SNTB2: variants seen among roughly 807,000 people sequenced by gnomAD.
SNTB2 encodes beta-2-syntrophin.
A neutral mutation model predicts 46.2 loss-of-function variants in SNTB2; 34 were observed. The observed-to-expected ratio is 0.74, with a 90% CI of 0.56 to 0.98. The LOEUF (loss-of-function observed/expected upper bound fraction) is 0.98. SNTB2 is among the 50% of genes least tolerant of loss of function. The pLI is 0.00. For missense variants in SNTB2, 603 were observed against 731.4 expected, an observed-to-expected ratio of 0.82 and a Z score of 2.02; for synonymous variants, 290 against 312.6, an observed-to-expected ratio of 0.93 and a Z score of 0.76.
intron 4 of SNTB2, among the ~76,000 whole-genome samples, chr16:69,280,315 C>T (rs1965027716): frequency 6.6e-6 from 1 of 152,142 alleles, no homozygotes; most frequent in South Asian, 2.1e-4. Flanking sequence ...CCCACCTTTC[C>T]CCCCTTTCTA....
chr16:69,203,749 G>A (rs1437554344), intron 1 of SNTB2, among the ~76,000 whole-genome samples: 1 of 152,022 alleles, frequency 6.6e-6, no homozygotes, highest in Non-Finnish European at 1.5e-5. Context: ...GGAATCCATT[G>A]CTTGTTTATT....
At chr16:69,238,082 G>A (rs867646660) in intron 1 of SNTB2, among the ~76,000 whole-genome samples, 13 of 152,144 alleles carry the variant, frequency 8.5e-5, no homozygotes, top group East Asian at 7.7e-4. Context: ...CATCTGTCCC[G>A]GACGCTGACC....
Position 69,301,353 on chromosome 16 carries a change from C to G in SNTB2, c.*429C>G. ...TCTTGTTCAGAACAATTGTCCCTTC[C>G]CAGGTGCTAGCTTGCAGCAGCCTGT... On this transcript the variant is annotated 3_prime_UTR_variant, in exon 7 of 7. Coordinates refer to ENST00000336278, the MANE Select transcript of SNTB2 (RefSeq NM_006750.4). 6.0e-6 allele frequency: 1 copy of G among 166,642 alleles called. No homozygotes were observed. Among genetic ancestry groups the G allele is most frequent in the South Asian group, 1.5e-4 (1 of 6,776 alleles). 10.3% of individuals were successfully genotyped at this position (166,642 alleles called of 1,614,324 possible).
chr16:69,190,488 T>C (rs1964039469), intron 1 of SNTB2, among the ~76,000 whole-genome samples: 1 of 152,196 alleles, frequency 6.6e-6, no homozygotes, highest in South Asian at 2.1e-4. Flanking sequence ...TCAGGAAGTT[T>C]AGAGTTGAGA....
chr16:69,297,567 A>T (rs1328468451), intron 5 of SNTB2, among the ~76,000 whole-genome samples: 2 of 151,580 alleles, frequency 1.3e-5, no homozygotes, highest in African/African-American at 4.9e-5. Flanking sequence ...GCAGTGAGCC[A>T]AGATCACGCC....
chr16:69,189,704 T>G (rs1964032121), intron 1 of SNTB2, among the ~76,000 whole-genome samples: 1 of 152,226 alleles, frequency 6.6e-6, no homozygotes, highest in Non-Finnish European at 1.5e-5. Flanking sequence ...ACCACTGCAC[T>G]CCAGCATGGA....
chr16:69,200,541 G>A (rs191662671), intron 1 of SNTB2, among the ~76,000 whole-genome samples: 85 of 152,304 alleles, frequency 5.6e-4, no homozygotes, highest in African/African-American at 1.9e-3. Context: ...TGCTAGAGCA[G>A]GAGGAAGATA....
intron 2 of SNTB2, among the ~76,000 whole-genome samples, chr16:69,253,705 A>G (rs560916662): frequency 1.3e-5 from 2 of 152,268 alleles, no homozygotes; most frequent in East Asian, 1.9e-4. Context: ...ATAACTCACT[A>G]TCTATTCTCA....
intron 2 of SNTB2, among the ~76,000 whole-genome samples, chr16:69,258,320 T>C (rs1424046641): frequency 6.6e-6 from 1 of 152,194 alleles, no homozygotes; most frequent in Admixed American, 6.5e-5. Context: ...ATTTGACTTT[T>C]AAAATTCATC....
At position 69,238,095 on chromosome 16, in the gene SNTB2, C is replaced by T. The variant is rs564118665; in HGVS notation, c.581-7507C>T. On this transcript the variant is annotated intron_variant, in intron 1 of 6. Transcript: ENST00000336278. Reference sequence around the variant, plus strand: ...GCCATCTGTCCCGGACGCTGACCTGCGTGGACAACATCAGCAGACTTCCTT... The same window carrying T: ...GCCATCTGTCCCGGACGCTGACCTGTGTGGACAACATCAGCAGACTTCCTT... Among the ~76,000 whole-genome samples, 4 of 152,144 alleles carry T rather than the reference C, an allele frequency of 2.6e-5. No individual in the cohort carries two copies. In the East Asian group the frequency reaches 5.8e-4, roughly 22 times the overall value.
chr16:69,258,310 A>G (rs1964798235), intron 2 of SNTB2, among the ~76,000 whole-genome samples: 1 of 152,196 alleles, frequency 6.6e-6, no homozygotes, highest in African/African-American at 2.4e-5. Flanking sequence ...TTATTTATTT[A>G]TTTGACTTTT....
chr16:69,199,595 C>CAAAAAAAAAAAAAA (rs60011703), intron 1 of SNTB2, among the ~76,000 whole-genome samples: 20 of 76,852 alleles, frequency 2.6e-4, no homozygotes, highest in African/African-American at 5.3e-4. Flanking sequence ...AACACTGCCT[C>CAAAAAAAAAAAAAA]AAAAAAAAAA....
rs1384091700 is a variant in SNTB2, at chr16:69,301,708, G to A, written c.*784G>A. The A allele has an allele frequency of 1.3e-5, 2 of 152,582 alleles. No homozygotes were observed. Among genetic ancestry groups the A allele is most frequent in the Non-Finnish European group, 2.9e-5 (2 of 68,024 alleles). 9.5% of individuals were successfully genotyped at this position (152,582 alleles called of 1,614,324 possible). A position where few individuals can be genotyped will look rare whatever the true frequency, so the allele number is the denominator to read the frequency against. On this transcript the variant is annotated 3_prime_UTR_variant, in exon 7 of 7. Transcript: ENST00000336278. Reference sequence around the variant, plus strand: ...CAATTTTATTTTTGTTAGGAGCCAGGGGATAAGATTTATTTTAAATGAAAA... The same window carrying A: ...CAATTTTATTTTTGTTAGGAGCCAGAGGATAAGATTTATTTTAAATGAAAA...
Position 69,277,628 on chromosome 16 carries a change from C to T in SNTB2, c.1149-6420C>T, listed in dbSNP as rs113816990. ...GTAATGTGAATGGGCTATTAAAATA[C>T]TCTTCCCTTTTCCAACTACATATTT... On this transcript the variant is annotated intron_variant, in intron 4 of 6. Coordinates refer to ENST00000336278, the MANE Select transcript of SNTB2 (RefSeq NM_006750.4). 3.5e-4 allele frequency among the ~76,000 whole-genome samples: 54 copies of T among 152,296 alleles called. 1 individual carries two copies. The highest frequency in any genetic ancestry group is 1.1e-3 in the African/African-American group (44 of 41,578).
chr16:69,196,341 C>G (rs1964105182), intron 1 of SNTB2, among the ~76,000 whole-genome samples: 3 of 150,028 alleles, frequency 2.0e-5, no homozygotes, highest in Non-Finnish European at 4.4e-5. Context: ...CTGCTAAGCT[C>G]TTTATGATCA....
At chr16:69,220,771 A>T (rs145623440) in intron 1 of SNTB2, among the ~76,000 whole-genome samples, 5 of 152,188 alleles carry the variant, frequency 3.3e-5, no homozygotes, top group African/African-American at 1.2e-4. Context: ...GCCTCAAGCG[A>T]TCCACTTGCC....
chr16:69,237,028 G>A (rs935326075), intron 1 of SNTB2, among the ~76,000 whole-genome samples: 15 of 152,148 alleles, frequency 9.9e-5, no homozygotes, highest in African/African-American at 2.9e-4. Context: ...CAGGAGCAGG[G>A]GATAAAGGAT....
chr16:69,192,305 G>A, intron 1 of SNTB2, among the ~76,000 whole-genome samples: 1 of 152,178 alleles, frequency 6.6e-6, no homozygotes, highest in South Asian at 2.1e-4. Flanking sequence ...ACATAGCAGA[G>A]TCCACTGAGA....
Position 69,292,368 on chromosome 16 carries a change from A to AT in SNTB2, c.1346-7221dup, listed in dbSNP as rs1192237495. ...CACCTTATTTTTTATATATATATAT[A>AT]TATATATATATTATATATATATTAT... On this transcript the variant is annotated intron_variant, in intron 5 of 6. Coordinates refer to ENST00000336278, the MANE Select transcript of SNTB2 (RefSeq NM_006750.4). 4.2e-4 allele frequency among the ~76,000 whole-genome samples: 11 copies of AT among 26,374 alleles called. 1 individual carries two copies. Among genetic ancestry groups the AT allele is most frequent in the African/African-American group, 6.9e-4 (4 of 5,838 alleles). 17.3% of individuals were successfully genotyped at this position (26,374 alleles called of 152,430 possible).
Sources: gnomAD v4.1 joint callset for allele counts (sites outside exome capture counted in the v4.1 genomes callset) on GRCh38, gnomAD v4.1.1 for gene constraint, MANE v1.5 for transcripts, NCBI Gene and HGNC (gene_info 2026-07-23, HGNC 2026-07-21) for gene names.